The following OTOF variants were observed in gnomAD, a reference collection of about 807,000 sequenced individuals.
OTOF encodes fer-1-like family member 2.
In OTOF, 218 loss-of-function variants were observed where a neutral mutation model predicts 236.8. That is an observed-to-expected ratio of 0.92 (90% CI 0.82 to 1.03). The LOEUF (loss-of-function observed/expected upper bound fraction) is 1.03, where lower values mean the gene tolerates loss of function less well. OTOF is among the 50% of genes least tolerant of loss of function. The probability of loss-of-function intolerance (pLI) is 0.00; values close to 1 mark genes in which losing one functional copy is unlikely to be tolerated. For synonymous variants in OTOF, 1,041 were observed against 1,072.5 expected (o/e 0.97, Z 0.57); for missense variants, 2,590 against 2,694.4 (o/e 0.96, Z 0.86).
chr2:26,482,514 G>A lies in OTOF; in HGVS notation c.1471C>T (p.Leu491Phe), dbSNP rs150834957. 91 of 1,613,236 alleles carry A rather than the reference G, an allele frequency of 5.6e-5. No homozygotes were observed. The highest frequency in any genetic ancestry group is 6.9e-5 in the Non-Finnish European group (81 of 1,179,960). The change falls in exon 14 of 47, where the codon CTC becomes TTC. Residue 491 changes from leucine to phenylalanine, a missense_variant. Physicochemically the swap from Leu to Phe is conservative, Grantham distance 22. Coordinates refer to ENST00000272371, the MANE Select transcript of OTOF (RefSeq NM_194248.3). ...ATCTGCACCTTCATGCGTTTGCAGAGTGGGGGGAAGAGGTCTGTAAAGACG... is the reference window on the plus strand; with the variant it reads ...ATCTGCACCTTCATGCGTTTGCAGAATGGGGGGAAGAGGTCTGTAAAGACG... ...QVVFTDLFPPLCKRMKVQIRD... is the reference protein window; with the variant it reads ...QVVFTDLFPPFCKRMKVQIRD...
intron 5 of OTOF, chr2:26,510,745 C>A (rs952929980): frequency 1.6e-6 from 2 of 1,289,202 alleles, no homozygotes; most frequent in Non-Finnish European, 1.0e-6. Flanking sequence ...TTCTCTCTGC[C>A]TTTGCTGAGT....
At chr2:26,481,193 A>G (rs1665532879) in intron 14 of OTOF, among the ~76,000 whole-genome samples, 184 bp from the exon 15 acceptor site, 1 of 151,614 alleles carries the variant, frequency 6.6e-6, no homozygotes, top group African/African-American at 2.4e-5. Flanking sequence ...TCTTGGGTCT[A>G]TTTCTTCCCT....
At chr2:26,484,039 C>T (rs1665636637) in intron 12 of OTOF, among the ~76,000 whole-genome samples, 1 of 152,202 alleles carries the variant, frequency 6.6e-6, no homozygotes, top group African/African-American at 2.4e-5. Flanking sequence ...ACTCTCTCTC[C>T]CCCAGCTCAC....
intron 23 of OTOF, 21 bp downstream of exon 23, chr2:26,476,107 G>A (rs371489210): frequency 8.7e-6 from 14 of 1,610,990 alleles, no homozygotes; most frequent in Admixed American, 6.7e-5. Flanking sequence ...GTGAGGCTTC[G>A]AGTGAGGGGT....
Position 26,464,938 on chromosome 2 carries a change from C to A in OTOF, c.4891G>T (p.Gly1631Trp). Residue 1631 changes from glycine to tryptophan, a missense_variant, in exon 39 of 47, where the codon GGG (glycine) becomes TGG (tryptophan). Coordinates refer to ENST00000272371, the MANE Select transcript of OTOF (RefSeq NM_194248.3). ...KDGKVDGPHFGPPGRVKVANR... is the reference protein window; with the variant it reads ...KDGKVDGPHFWPPGRVKVANR... The stretch of plus-strand genomic sequence containing the variant: ...GCCACCTTCACTCTCCCAGGGGGCC[C>A]AAAGTGGGGGCCGTCCACTTTGCCG... 6.3e-7 allele frequency: 1 copy of A among 1,582,482 alleles called. No homozygotes were observed.
At chr2:26,466,460 C>T (rs1319170615) in intron 36 of OTOF, 9 of 538,940 alleles carry the variant, frequency 1.7e-5, no homozygotes, top group Non-Finnish European at 2.4e-5. Flanking sequence ...CCTCAGCCTC[C>T]TCAGTAGCTG....
chr2:26,460,444 G>A lies in OTOF; in HGVS notation c.5813+203C>T, dbSNP rs760826717. On this transcript the variant is annotated intron_variant, in intron 45 of 46. Coordinates refer to ENST00000272371, the MANE Select transcript of OTOF (RefSeq NM_194248.3). The surrounding 1 kb of genome is among the most constrained non-coding windows in gnomAD (Gnocchi z 5.3). ...GCTAGATGGGGCCTTTCCCAGGGAAGGTCCTGCTCTCCAGTATTCCTAGCC... is the reference window on the plus strand; with the variant it reads ...GCTAGATGGGGCCTTTCCCAGGGAAAGTCCTGCTCTCCAGTATTCCTAGCC... 1.8e-4 allele frequency among the ~76,000 whole-genome samples: 28 copies of A among 152,234 alleles called. No homozygotes were observed. The highest frequency in any genetic ancestry group is 3.8e-4 in the Non-Finnish European group (26 of 68,040).
intron 4 of OTOF, among the ~76,000 whole-genome samples, chr2:26,518,416 C>T: frequency 6.6e-6 from 1 of 152,226 alleles, no homozygotes; most frequent in Non-Finnish European, 1.5e-5. Flanking sequence ...TCCTCACCAT[C>T]ATGCCAACTG....
chr2:26,470,925 C>T lies in OTOF; in HGVS notation c.3894+196G>A, dbSNP rs1464424803. On this transcript the variant is annotated intron_variant, in intron 31 of 46. Transcript: ENST00000272371. This position sits in a 1 kb window ranked among gnomAD's most constrained non-coding sequence, Gnocchi z 4.3. ...AGTGTTGTGACCTGCCAGTGCGATC[C>T]ACTCGCCCAAGCAGGACTGGCACCG... Among the ~76,000 whole-genome samples, 1 of 152,182 alleles carries T rather than the reference C, an allele frequency of 6.6e-6. No homozygotes were observed. The highest frequency in any genetic ancestry group is 1.5e-5 in the Non-Finnish European group (1 of 68,038).
Position 26,462,722 on chromosome 2 carries a change from G to A in OTOF, c.5193-541C>T, listed in dbSNP as rs1664539309. Among the ~76,000 whole-genome samples, 2 of 152,196 alleles carry A rather than the reference G, an allele frequency of 1.3e-5. No homozygotes were observed. The highest frequency in any genetic ancestry group is 4.1e-4 in the South Asian group (2 of 4,830). ...CTGACTCATGGCCTCAGGTTTCCAG[G>A]ACATTCCTGGCAGAATTTGCTGCAT... On this transcript the variant is annotated intron_variant, in intron 41 of 46. Transcript: ENST00000272371. This position sits in a 1 kb window ranked among gnomAD's most constrained non-coding sequence, Gnocchi z 4.7.
chr2:26,472,262 C>T, intron 30 of OTOF: 1 of 530,680 alleles, frequency 1.9e-6, no homozygotes. Flanking sequence ...CATGCATGCA[C>T]ACACACATGC....
chr2:26,463,936 AC>A, intron 40 of OTOF, 27 bp downstream of exon 40: 2 of 1,612,234 alleles, frequency 1.2e-6, no homozygotes, highest in Non-Finnish European at 1.7e-6. Context: ...ATACCCAAGA[AC>A]CCCAGTCTTG....
At position 26,473,864 on chromosome 2, in the gene OTOF, G is replaced by T; in HGVS notation, c.3408+127C>A. 1 of 1,291,608 alleles carries T rather than the reference G, an allele frequency of 7.7e-7. No homozygotes were observed. The highest frequency in any genetic ancestry group is 1.2e-5 in the South Asian group (1 of 82,868). 80.0% of individuals were successfully genotyped at this position (1,291,608 alleles called of 1,614,324 possible). A position where few individuals can be genotyped will look rare whatever the true frequency, so the allele number is the denominator to read the frequency against. On this transcript the variant is annotated intron_variant, in intron 27 of 46. Coordinates refer to ENST00000272371, the MANE Select transcript of OTOF (RefSeq NM_194248.3). The surrounding 1 kb of genome is among the most constrained non-coding windows in gnomAD (Gnocchi z 7.2). ...TGCAGATGGGGGCAGGCCCTGGGCT[G>T]GGGCAGGAGCCTGGGTCTGCTGCTG... is the stretch of plus-strand genomic sequence containing the variant.
chr2:26,492,532 C>T (rs1305760493), intron 9 of OTOF, among the ~76,000 whole-genome samples: 1 of 152,134 alleles, frequency 6.6e-6, no homozygotes, highest in Non-Finnish European at 1.5e-5. Context: ...AAGGAGGGGA[C>T]CTGCGCAGGG....
chr2:26,534,184 G>A (rs925979046), intron 2 of OTOF, among the ~76,000 whole-genome samples: 2 of 152,182 alleles, frequency 1.3e-5, no homozygotes, highest in Non-Finnish European at 2.9e-5. Context: ...CTTGTGTCAA[G>A]CTCTCAGCCC....
At chr2:26,525,229 C>T (rs1666771988) in intron 3 of OTOF, among the ~76,000 whole-genome samples, 1 of 152,216 alleles carries the variant, frequency 6.6e-6, no homozygotes, top group South Asian at 2.1e-4. Flanking sequence ...GACAGCATTT[C>T]TGAAATGCCC....
intron 3 of OTOF, among the ~76,000 whole-genome samples, chr2:26,525,390 G>A (rs571303775): frequency 6.6e-6 from 1 of 152,312 alleles, no homozygotes; most frequent in East Asian, 1.9e-4. Context: ...CAGTGGCAAG[G>A]AGCTCACTAC....
Position 26,519,090 on chromosome 2 carries a change from T to A in OTOF, c.247A>T (p.Met83Leu). 6.2e-7 allele frequency: 1 copy of A among 1,604,690 alleles called. No individual in the cohort carries two copies. The highest frequency in any genetic ancestry group is 8.5e-7 in the Non-Finnish European group (1 of 1,174,164). The change falls in exon 4 of 47, where the codon ATG (methionine) becomes TTG (leucine). Residue 83 changes from methionine (M) to leucine (L), a missense_variant. Coordinates refer to ENST00000272371, the MANE Select transcript of OTOF (RefSeq NM_194248.3). ...TCCTCTACCACCTTCTGCAGCACCA[T>A]GCGGAAGGTCCCGATGAGCCTGGGG... ...FSNKLIGTFR[M>L]VLQKVVEESH...
chr2:26,459,137 A>G (rs1664328823), intron 46 of OTOF, among the ~76,000 whole-genome samples: 2 of 152,198 alleles, frequency 1.3e-5, no homozygotes, highest in Non-Finnish European at 2.9e-5. Context: ...AGGGCAGAAA[A>G]CAACAGCCCT....
Sources: gnomAD v4.1 joint callset for allele counts (sites outside exome capture counted in the v4.1 genomes callset) on GRCh38, gnomAD v4.1.1 for gene constraint, Gnocchi (gnomAD v3.1) non-coding constraint, MANE v1.5 for transcripts, NCBI Gene and HGNC (gene_info 2026-07-23, HGNC 2026-07-21) for gene names.